The following PASD1 variants were observed in gnomAD, a reference collection of about 807,000 sequenced individuals.
PASD1 encodes PAS domain containing repressor 1, also known as circadian clock protein PASD1.
PASD1 carries 13 observed loss-of-function variants against 58.8 expected under a neutral mutation model. That is an observed-to-expected ratio of 0.22 (90% confidence interval 0.14 to 0.35). PASD1 has a LOEUF of 0.35. Ranked by LOEUF, PASD1 falls within the 10% of genes least tolerant of loss-of-function variation. The probability of loss-of-function intolerance (pLI) is 1.00; values close to 1 mark genes in which losing one functional copy is unlikely to be tolerated. For missense variants in PASD1, 734 were observed against 568.3 expected (o/e 1.29, Z -2.96); for synonymous variants, 236 against 216.7 (o/e 1.09, Z -0.78).
chrX:151,576,662 G>C (rs2013011127), intron 1 of PASD1, among the ~76,000 whole-genome samples: 1 of 111,911 alleles, frequency 8.9e-6, no homozygotes, highest in South Asian at 3.7e-4. Flanking sequence ...AGATCAATAA[G>C]AAGTGTGTGT....
intron 9 of PASD1, among the ~76,000 whole-genome samples, chrX:151,657,253 T>C (rs770372595): frequency 8.9e-6 from 1 of 112,112 alleles, no homozygotes; most frequent in Non-Finnish European, 1.9e-5. Flanking sequence ...TGCTAGATTC[T>C]GTTTGCCAGT....
At chrX:151,620,253 T>C (rs992519000) in intron 4 of PASD1, among the ~76,000 whole-genome samples, 5 of 111,634 alleles carry the variant, frequency 4.5e-5, no homozygotes, top group African/African-American at 1.6e-4. Flanking sequence ...GAAAACTTGA[T>C]GTGTGGGGTA....
Position 151,672,651 on chromosome X carries a change from G to A in PASD1, c.1906G>A (p.Glu636Lys). The change falls in exon 14 of 16, where the codon GAG (glutamate) becomes AAG (lysine). Residue 636 changes from glutamate (E) to lysine (K), a missense_variant. Transcript: ENST00000370357. ...TGAAAACTGTGGGCAACAGGAAGAT[G>A]AGAGTCAAAGGTAAGACATGCATGG... ...QDENCGQQED[E>K]SQSFYPEAYQ... The A allele has an allele frequency of 8.3e-7, 1 of 1,211,560 alleles. No individual in the cohort carries two copies. Among genetic ancestry groups the A allele is most frequent in the Non-Finnish European group, 1.1e-6 (1 of 895,342 alleles).
chrX:151,607,298 C>G (rs541295571), intron 3 of PASD1, among the ~76,000 whole-genome samples: 5 of 112,172 alleles, frequency 4.5e-5, no homozygotes, highest in African/African-American at 1.6e-4. Context: ...GCATGTAACT[C>G]TAGTGCATTC....
At chrX:151,604,805 T>G in intron 3 of PASD1, 71 bp downstream of exon 3, 1 of 851,488 alleles carries the variant, frequency 1.2e-6, no homozygotes, top group South Asian at 2.4e-5. Context: ...GAATAGTGTT[T>G]GTCAAAGTGT....
Position 151,672,631 on chromosome X carries a change from A to G in PASD1, c.1886A>G (p.Asn629Ser), listed in dbSNP as rs376182308. 3 of 1,211,573 alleles carry G rather than the reference A, an allele frequency of 2.5e-6. No individual in the cohort carries two copies. Among genetic ancestry groups the G allele is most frequent in the Non-Finnish European group, 3.4e-6 (3 of 895,387 alleles). Residue 629 changes from asparagine to serine, a missense_variant, in exon 14 of 16, where the codon AAC becomes AGC. By Grantham distance (46) the Asn-to-Ser change is conservative. Transcript: ENST00000370357. The stretch of plus-strand genomic sequence containing the variant: ...CCCTCTGGCTTCTATCAAGATGAAA[A>G]CTGTGGGCAACAGGAAGATGAGAGT... ...QQPSGFYQDE[N>S]CGQQEDESQS...
At chrX:151,638,300 G>A (rs1190310194) in intron 8 of PASD1, among the ~76,000 whole-genome samples, 1 of 109,451 alleles carries the variant, frequency 9.1e-6, no homozygotes, top group Non-Finnish European at 1.9e-5. Flanking sequence ...TTTGGGGAGT[G>A]GGGGGCTGGG....
At chrX:151,581,371 C>A (rs962912719) in intron 1 of PASD1, among the ~76,000 whole-genome samples, 1 of 109,820 alleles carries the variant, frequency 9.1e-6, no homozygotes, top group African/African-American at 3.3e-5. Context: ...CAGGAGGATC[C>A]CCTCAGGCCA....
intron 13 of PASD1, 31 bp from the exon 14 acceptor site, chrX:151,672,152 G>C: frequency 3.5e-6 from 4 of 1,132,821 alleles, no homozygotes; most frequent in Non-Finnish European, 4.6e-6. Context: ...GCAGACACCA[G>C]GGTGCTTTTA....
At chrX:151,667,906 G>A (rs1333284906) in intron 11 of PASD1, among the ~76,000 whole-genome samples, 4 of 111,417 alleles carry the variant, frequency 3.6e-5, no homozygotes, top group East Asian at 2.8e-4. Context: ...AGTTTTTTCC[G>A]ATTCTGTGAA....
At chrX:151,589,580 A>G (rs1238250717) in intron 1 of PASD1, among the ~76,000 whole-genome samples, 1 of 112,002 alleles carries the variant, frequency 8.9e-6, no homozygotes. Context: ...CTTGGCATGT[A>G]GGTATTATAA....
At chrX:151,666,618 A>G (rs2014386505) in intron 11 of PASD1, among the ~76,000 whole-genome samples, 1 of 92,752 alleles carries the variant, frequency 1.1e-5, no homozygotes, top group Admixed American at 1.2e-4. Context: ...CCCACCTATG[A>G]GTGAGAACAT....
At chrX:151,647,866 C>T (rs766006858) in intron 8 of PASD1, among the ~76,000 whole-genome samples, 45 of 111,009 alleles carry the variant, frequency 4.1e-4, no homozygotes, top group African/African-American at 1.4e-3. Context: ...TCTGAATATG[C>T]TTGGAAAGTT....
At chrX:151,621,648 A>C in intron 6 of PASD1, 56 bp downstream of exon 6, 13 of 825,112 alleles carry the variant, frequency 1.6e-5, no homozygotes, top group Non-Finnish European at 2.3e-5. Context: ...GTAGCCTCAC[A>C]TTACTAACAT....
At chrX:151,612,233 T>TTG (rs2013573848) in intron 4 of PASD1, among the ~76,000 whole-genome samples, 1 of 4,959 alleles carries the variant, frequency 2.0e-4, no homozygotes, top group Non-Finnish European at 3.6e-4. Context: ...GACATTTGGC[T>TTG]GGTTCCAAGT....
chrX:151,668,572 A>G (rs2014416824), intron 11 of PASD1, among the ~76,000 whole-genome samples: 1 of 111,627 alleles, frequency 9.0e-6, no homozygotes, highest in Non-Finnish European at 1.9e-5. Flanking sequence ...AGAGAATACT[A>G]TAAACACCTC....
rs748150610 is a variant in PASD1, at chrX:151,676,154, A to C, written c.*11A>C. The C allele has an allele frequency of 1.1e-5, 13 of 1,191,350 alleles. No homozygotes were observed. The highest frequency in any genetic ancestry group is 5.0e-4 in the Middle Eastern group (2 of 4,026). ...AATAAGCCGTGCTAACAGTACTTTC[A>C]TGACCAGTGATGAGGGGAAATGGGG... is the stretch of plus-strand genomic sequence containing the variant. On this transcript the variant is annotated 3_prime_UTR_variant, in exon 16 of 16. Transcript: ENST00000370357.
intron 10 of PASD1, among the ~76,000 whole-genome samples, chrX:151,660,834 G>C (rs963777740): frequency 1.8e-5 from 2 of 112,193 alleles, no homozygotes; most frequent in South Asian, 7.3e-4. Context: ...TAGTAGCTTT[G>C]TTTACTTGGA....
chrX:151,604,900 C>T (rs1024661388), intron 3 of PASD1, among the ~76,000 whole-genome samples, 166 bp downstream of exon 3: 2 of 111,727 alleles, frequency 1.8e-5, no homozygotes, highest in Non-Finnish European at 3.8e-5. Flanking sequence ...CTGTTAGGGC[C>T]GGGAGTTTGC....
Sources: gnomAD v4.1 joint callset for allele counts (sites outside exome capture counted in the v4.1 genomes callset) on GRCh38, gnomAD v4.1.1 for gene constraint, MANE v1.5 for transcripts, NCBI Gene and HGNC (gene_info 2026-07-23, HGNC 2026-07-21) for gene names.